The following NOL8 variants were observed in gnomAD, a reference collection of about 807,000 sequenced individuals.
NOL8 encodes nucleolar protein Nop132.
Under a neutral mutation model 116.1 loss-of-function variants are expected in NOL8, and 93 were observed. The ratio of observed to expected loss-of-function variants is 0.80; its 90% CI spans 0.68 to 0.95. NOL8 has a LOEUF of 0.95. Ranked by LOEUF, NOL8 falls within the 40% of genes least tolerant of loss-of-function variation. The pLI is 0.00. For synonymous variants in NOL8, 419 were observed against 469.0 expected (o/e 0.89, Z 1.38); for missense variants, 1,291 against 1,382.8 (o/e 0.93, Z 1.05).
At chr9:92,309,572 G>GT (rs772658023) in intron 10 of NOL8, among the ~76,000 whole-genome samples, 73 of 152,242 alleles carry the variant, frequency 4.8e-4, no homozygotes, top group Non-Finnish European at 7.2e-4. Flanking sequence ...AGCCAGCGAC[G>GT]TAAGAGGTAA....
intron 13 of NOL8, chr9:92,300,757 C>G: frequency 8.4e-7 from 1 of 1,190,888 alleles, no homozygotes; most frequent in South Asian, 1.6e-5. Context: ...GTATTATCTG[C>G]TAGTGAACCG....
chr9:92,319,159 C>G (rs547793609), intron 5 of NOL8, 62 bp downstream of exon 5: 6 of 1,458,762 alleles, frequency 4.1e-6, no homozygotes, highest in Non-Finnish European at 5.4e-6. Flanking sequence ...CCCACAATCA[C>G]GTGATCTCAG....
At position 92,319,284 on chromosome 9, in the gene NOL8, T is replaced by C. The variant is rs1839707042; in HGVS notation, c.354A>G (p.Glu118=). The C allele has an allele frequency of 6.3e-7, 1 of 1,596,656 alleles. No homozygotes were observed. The highest frequency in any genetic ancestry group is 1.7e-4 in the Middle Eastern group (1 of 5,998). ...TATGGAAATCCACTCCTCCTGTCTT[T>C]TCTAACAAGTTGGCGTTACCTGTTG... ...ESTTGNANLL[E]KTGGVDFHMK... Residue 118 remains glutamate (E), a synonymous_variant, in exon 5 of 17, where the codon GAA becomes GAG. Coordinates refer to ENST00000442668, the MANE Select transcript of NOL8 (RefSeq NM_017948.6).
At chr9:92,321,020 G>T (rs1164980818) in intron 4 of NOL8, among the ~76,000 whole-genome samples, 1 of 152,118 alleles carries the variant, frequency 6.6e-6, no homozygotes, top group East Asian at 1.9e-4. Flanking sequence ...ATAATACATT[G>T]TCTTGCTCTT....
intron 4 of NOL8, among the ~76,000 whole-genome samples, chr9:92,320,916 A>G (rs1444398356): frequency 6.6e-6 from 1 of 152,142 alleles, no homozygotes; most frequent in Non-Finnish European, 1.5e-5. Flanking sequence ...CTCTATCTGT[A>G]TATTCTTAAA....
chr9:92,323,924 G>A, intron 2 of NOL8, 99 bp downstream of exon 2: 1 of 1,285,944 alleles, frequency 7.8e-7, no homozygotes, highest in Non-Finnish European at 1.1e-6. Context: ...AAAACTTTTG[G>A]TGTTCAGAGC....
At chr9:92,321,864 G>T in intron 3 of NOL8, 118 bp from the exon 4 acceptor site, 1 of 578,500 alleles carries the variant, frequency 1.7e-6, no homozygotes, top group Non-Finnish European at 2.9e-6. Flanking sequence ...AGAGATCCAG[G>T]GGAAGTGGAA....
In NOL8 at chr9:92,298,127, G is replaced by A; in HGVS notation, c.3453+130C>T. 1.5e-5 allele frequency: 11 copies of A among 729,218 alleles called. No individual in the cohort carries two copies. In the South Asian group the frequency reaches 2.1e-4, roughly 14 times the overall value. 45.2% of individuals were successfully genotyped at this position (729,218 alleles called of 1,614,324 possible). ...CTTAATAGGCTTGGCTGGATTCTGA[G>A]ACCAGTCACTCAATTGAGCCAGTCT... is the stretch of plus-strand genomic sequence containing the variant. On this transcript the variant is annotated intron_variant, in intron 16 of 16. Transcript: ENST00000442668.
In NOL8 at chr9:92,314,511, T is replaced by TCTGTCTTTGTGGTACTATGGCAG; in HGVS notation, c.2091_2113dup (p.Glu705AlafsTer52). On this transcript the variant is annotated frameshift_variant, in exon 7 of 17. Coordinates refer to ENST00000442668, the MANE Select transcript of NOL8 (RefSeq NM_017948.6). LOFTEE classifies it high-confidence loss of function. ...ATCAGACCGCTCTTCCTGTGAAGCT[T>TCTGTCTTTGTGGTACTATGGCAG]CTGTCTTTGTGGTACTATGGCAGCT... 1 of 1,613,678 alleles carries TCTGTCTTTGTGGTACTATGGCAG rather than the reference T, an allele frequency of 6.2e-7. No individual in the cohort carries two copies. The highest frequency in any genetic ancestry group is 8.5e-7 in the Non-Finnish European group (1 of 1,179,680).
At chr9:92,307,112 T>C (rs1838338494) in intron 10 of NOL8, 88 bp from the exon 11 acceptor site, 1 of 1,337,830 alleles carries the variant, frequency 7.5e-7, no homozygotes, top group Non-Finnish European at 1.0e-6. Context: ...TACCTAAACA[T>C]GTTCAAAATC....
At chr9:92,316,172 TG>T in intron 6 of NOL8, 34 bp from the exon 7 acceptor site, 1 of 1,574,940 alleles carries the variant, frequency 6.3e-7, no homozygotes, top group Non-Finnish European at 8.6e-7. Flanking sequence ...CTAAAGCACT[TG>T]GTTTTAGGAA....
Position 92,305,845 on chromosome 9 carries a change from G to T in NOL8, c.2826-15C>A. ...GTATGATGTCCCTATGTAAAAAAAG[G>T]AAGGGAGGTTGGAAGAGATAAAAAC... On this transcript the variant is annotated splice_polypyrimidine_tract_variant and intron_variant, in intron 11 of 16. Coordinates refer to ENST00000442668, the MANE Select transcript of NOL8 (RefSeq NM_017948.6). 1 of 1,586,704 alleles carries T rather than the reference G, an allele frequency of 6.3e-7. No individual in the cohort carries two copies. The highest frequency in any genetic ancestry group is 8.7e-7 in the Non-Finnish European group (1 of 1,155,908).
chr9:92,301,410 G>C, intron 13 of NOL8, 141 bp downstream of exon 13: 1 of 665,366 alleles, frequency 1.5e-6, no homozygotes, highest in Non-Finnish European at 2.4e-6. Flanking sequence ...TTATGCTCCT[G>C]TGACACTAAA....
Position 92,297,878 on chromosome 9 carries a change from T to A in NOL8, c.3462A>T (p.Arg1154=), listed in dbSNP as rs754579908. Residue 1154 remains arginine, a synonymous_variant, in exon 17 of 17, where the codon CGA becomes CGT. Coordinates refer to ENST00000442668, the MANE Select transcript of NOL8 (RefSeq NM_017948.6). ...TCCTTTTTGCGTCTTTATGTTTCTT[T>A]CGACAATCCTAGGAAAAAAAAAAGA... ...ARTTNLRMDC[R]KKHKDAKRKM... is the part of the protein sequence containing the mutation. 6.5e-7 allele frequency: 1 copy of A among 1,545,896 alleles called. No homozygotes were observed.
rs781447196 is a variant in NOL8, at chr9:92,315,897, A to G, written c.728T>C (p.Ile243Thr). The G allele has an allele frequency of 3.5e-5, 56 of 1,613,804 alleles. No homozygotes were observed. The East Asian group carries it at 1.2e-3, about 35-fold the overall frequency. Residue 243 changes from isoleucine to threonine, a missense_variant, in exon 7 of 17, where the codon ATA (isoleucine) becomes ACA (threonine). Transcript: ENST00000442668. ...LAMSTRPRRVIERPPLTQQQA... is the reference protein window; with the variant it reads ...LAMSTRPRRVTERPPLTQQQA... ...TTGCTGTGTTAAGGGTGGTCTCTCT[A>G]TTACCCTCCTGGGCCTTGTACTCAT...
chr9:92,323,543 A>G, intron 2 of NOL8, 40 bp from the exon 3 acceptor site: 2 of 1,531,688 alleles, frequency 1.3e-6, no homozygotes, highest in Non-Finnish European at 1.8e-6. Context: ...CAATTTATTT[A>G]AATTCTTATC....
intron 10 of NOL8, among the ~76,000 whole-genome samples, chr9:92,309,851 A>G (rs1185611893): frequency 6.6e-6 from 1 of 152,200 alleles, no homozygotes; most frequent in Non-Finnish European, 1.5e-5. Context: ...ACTGTCTTCC[A>G]TGGCTTCACC....
At chr9:92,300,266 G>T in intron 13 of NOL8, 1 of 1,037,110 alleles carries the variant, frequency 9.6e-7, no homozygotes, top group Non-Finnish European at 1.2e-6. Context: ...ATATAAAAAA[G>T]GTTTAAAAAA....
At chr9:92,300,831 T>A (rs980284772) in intron 13 of NOL8, 537 of 1,008,508 alleles carry the variant, frequency 5.3e-4, no homozygotes, top group Non-Finnish European at 6.1e-4. Flanking sequence ...AAAAAAAAAA[T>A]TATTTTAATC....
Sources: allele counts gnomAD v4.1 joint callset (sites outside exome capture counted in the v4.1 genomes callset), GRCh38; gene constraint gnomAD v4.1.1; transcripts MANE v1.5; gene names NCBI Gene and HGNC (gene_info 2026-07-23, HGNC 2026-07-21).